FBXO36: variants seen among roughly 807,000 people sequenced by gnomAD.
FBXO36 encodes F-box protein 36.
FBXO36 carries 18 observed loss-of-function variants against 17.0 expected under a neutral mutation model. That is an observed-to-expected ratio of 1.06 (90% CI 0.73 to 1.57). The LOEUF (loss-of-function observed/expected upper bound fraction) is 1.57, where lower values mean the gene tolerates loss of function less well. Among genes scored for constraint, FBXO36 ranks in the 40% most tolerant of loss-of-function variants. FBXO36 has a pLI of 0.00. For synonymous variants in FBXO36, 83 were observed against 85.3 expected, an observed-to-expected ratio of 0.97 and a Z score of 0.15; for missense variants, 229 against 221.9, an observed-to-expected ratio of 1.03 and a Z score of -0.20.
Position 229,950,300 on chromosome 2 carries a change from C to T in FBXO36, c.97-25941C>T, listed in dbSNP as rs568075382. Among the ~76,000 whole-genome samples the T allele has an allele frequency of 3.2e-4, 49 of 152,178 alleles. 1 individual carries two copies. Among genetic ancestry groups the T allele is most frequent in the African/African-American group, 1.2e-3 (48 of 41,528 alleles). ...AATTAGCTGGGCATGGTGGCACGTG[C>T]CTGTAATCCCAGCTACTCAGGAAGC... On this transcript the variant is annotated intron_variant, in intron 1 of 3. Coordinates refer to ENST00000283946, the MANE Select transcript of FBXO36 (RefSeq NM_174899.5).
At chr2:229,944,043 TC>T (rs1388649640) in intron 1 of FBXO36, among the ~76,000 whole-genome samples, 3 of 152,164 alleles carry the variant, frequency 2.0e-5, no homozygotes, top group African/African-American at 7.2e-5. Context: ...GGGGCCAGCT[TC>T]CCCTTCACCT....
rs938547934 is a variant in FBXO36 at position 229,986,184 on chromosome 2, C to T, written c.205+9835C>T. ...TCCTTATAAAAATGGTTTATGCATA[C>T]ATACAAGAATATGTTATATATTAAC... On this transcript the variant is annotated intron_variant, in intron 2 of 3. Coordinates refer to ENST00000283946, the MANE Select transcript of FBXO36 (RefSeq NM_174899.5). Among the ~76,000 whole-genome samples the T allele has an allele frequency of 2.6e-5, 4 of 152,112 alleles. No individual in the cohort carries two copies. The South Asian group carries it at 8.3e-4, about 31-fold the overall frequency.
chr2:229,974,735 C>T (rs1305288998), intron 1 of FBXO36, among the ~76,000 whole-genome samples: 1 of 152,066 alleles, frequency 6.6e-6, no homozygotes, highest in Non-Finnish European at 1.5e-5. Flanking sequence ...GAGGCCTTGC[C>T]CATTAATATT....
intron 1 of FBXO36, among the ~76,000 whole-genome samples, chr2:229,967,560 C>A (rs1242988203): frequency 2.6e-5 from 4 of 152,126 alleles, no homozygotes; most frequent in Admixed American, 2.0e-4. Flanking sequence ...CCATCAATAC[C>A]TAATTTATTG....
chr2:229,996,605 G>A, intron 2 of FBXO36, 146 bp from the exon 3 acceptor site: 1 of 847,190 alleles, frequency 1.2e-6, no homozygotes, highest in East Asian at 2.7e-5. Context: ...TAGTCCCAAA[G>A]GCAGCTCGGT....
intron 1 of FBXO36, among the ~76,000 whole-genome samples, chr2:229,948,627 C>T (rs1202141467): frequency 6.6e-6 from 1 of 151,892 alleles, no homozygotes; most frequent in African/African-American, 2.4e-5. Flanking sequence ...GTGACTGTGA[C>T]TACACAGAAG....
intron 1 of FBXO36, among the ~76,000 whole-genome samples, chr2:229,950,705 C>A (rs1186412348): frequency 6.8e-6 from 1 of 146,322 alleles, no homozygotes; most frequent in African/African-American, 2.5e-5. Context: ...GGAAACAGAA[C>A]AATAGGGAAA....
intron 1 of FBXO36, among the ~76,000 whole-genome samples, chr2:229,970,740 A>G (rs1478396673): frequency 1.3e-5 from 2 of 152,190 alleles, no homozygotes; most frequent in Non-Finnish European, 2.9e-5. Flanking sequence ...TCGTCTGTGT[A>G]TTCCACTTAT....
chr2:229,950,905 C>T lies in FBXO36; in HGVS notation c.97-25336C>T, dbSNP rs751068355. Among the ~76,000 whole-genome samples, 118 of 150,848 alleles carry T rather than the reference C, an allele frequency of 7.8e-4. 1 individual carries two copies. The highest frequency in any genetic ancestry group is 6.9e-3 in the Middle Eastern group (2 of 290). On this transcript the variant is annotated intron_variant, in intron 1 of 3. Coordinates refer to ENST00000283946, the MANE Select transcript of FBXO36 (RefSeq NM_174899.5). ...CCAAGTATCTGGGATTACAGGCATG[C>T]GCCATTATGCCCCACTAATTATTTT...
At chr2:229,992,178 A>C (rs1180669733) in intron 2 of FBXO36, among the ~76,000 whole-genome samples, 2 of 147,568 alleles carry the variant, frequency 1.4e-5, no homozygotes, top group East Asian at 4.0e-4. Context: ...TTTTTTTTTG[A>C]GGTGGAGTCT....
At chr2:229,986,331 T>C (rs1386757946) in intron 2 of FBXO36, among the ~76,000 whole-genome samples, 1 of 151,920 alleles carries the variant, frequency 6.6e-6, no homozygotes, top group Non-Finnish European at 1.5e-5. Context: ...TGAAACCCTG[T>C]CTGTATAAAA....
At chr2:229,974,981 G>A (rs916025011) in intron 1 of FBXO36, among the ~76,000 whole-genome samples, 1 of 152,052 alleles carries the variant, frequency 6.6e-6, no homozygotes, top group African/African-American at 2.4e-5. Context: ...TTCTCAAATC[G>A]GTGGAAGTTT....
intron 2 of FBXO36, among the ~76,000 whole-genome samples, chr2:229,991,781 C>T (rs1262769905): frequency 1.3e-5 from 2 of 152,194 alleles, no homozygotes; most frequent in African/African-American, 2.4e-5. Context: ...GGTTTCTGCT[C>T]TTGACTCTTG....
At chr2:229,971,578 T>A (rs2077180580) in intron 1 of FBXO36, among the ~76,000 whole-genome samples, 1 of 152,102 alleles carries the variant, frequency 6.6e-6, no homozygotes, top group Non-Finnish European at 1.5e-5. Context: ...ACAAGCTATG[T>A]GAGAGGATAC....
At chr2:229,942,233 T>G (rs770836989) in intron 1 of FBXO36, among the ~76,000 whole-genome samples, 9 of 152,082 alleles carry the variant, frequency 5.9e-5, no homozygotes, top group Admixed American at 2.6e-4. Flanking sequence ...GGAGGCAGCG[T>G]CCTTCCCCCA....
rs200450803 is a variant in FBXO36 at position 229,982,819 on chromosome 2, A to G, written c.205+6470A>G. On this transcript the variant is annotated intron_variant, in intron 2 of 3. Coordinates refer to ENST00000283946, the MANE Select transcript of FBXO36 (RefSeq NM_174899.5). ...AAAAAAGGATCCTTAATTTAATCAC[A>G]TCTGCACAGTTACTTTTGCCGTGTG... 1.1e-4 allele frequency among the ~76,000 whole-genome samples: 16 copies of G among 150,224 alleles called. No individual in the cohort carries two copies. In the East Asian group the frequency reaches 1.4e-3, roughly 13 times the overall value.
chr2:229,975,232 C>T (rs1275129892), intron 1 of FBXO36, among the ~76,000 whole-genome samples: 1 of 152,110 alleles, frequency 6.6e-6, no homozygotes. Flanking sequence ...GACACTTTTT[C>T]ATGCATCAAA....
chr2:229,939,422 G>A (rs540145262), intron 1 of FBXO36, among the ~76,000 whole-genome samples: 42 of 151,790 alleles, frequency 2.8e-4, no homozygotes, highest in African/African-American at 9.9e-4. Context: ...TGGCCAGCAC[G>A]GTGAAACCCC....
chr2:229,976,448 GAT>G (rs763753209), intron 2 of FBXO36, 99 bp downstream of exon 2: 60 of 798,656 alleles, frequency 7.5e-5, no homozygotes, highest in Non-Finnish European at 8.7e-5. Flanking sequence ...TTGAAATATT[GAT>G]ATGCAGTTAT....
Sources: gnomAD v4.1 joint callset for allele counts (sites outside exome capture counted in the v4.1 genomes callset) on GRCh38, gnomAD v4.1.1 for gene constraint, MANE v1.5 for transcripts, NCBI Gene and HGNC (gene_info 2026-07-23, HGNC 2026-07-21) for gene names.